TBXAS1: variants seen among roughly 807,000 people sequenced by gnomAD.
TBXAS1 encodes thromboxane A synthase 1.
TBXAS1 carries 48 observed loss-of-function variants against 60.7 expected under a neutral mutation model. The ratio of observed to expected loss-of-function variants is 0.79; its 90% CI spans 0.63 to 1.01. TBXAS1 has a LOEUF of 1.01. Ranked by LOEUF, TBXAS1 falls within the 50% of genes least tolerant of loss-of-function variation. The pLI is 0.00. For missense variants in TBXAS1, 685 were observed against 686.3 expected (o/e 1.00, Z 0.02); for synonymous variants, 287 against 269.7 (o/e 1.06, Z -0.63).
intron 1 of TBXAS1, among the ~76,000 whole-genome samples, chr7:139,848,933 C>A (rs1430281959): frequency 6.6e-6 from 1 of 152,040 alleles, no homozygotes; most frequent in Non-Finnish European, 1.5e-5. Flanking sequence ...GGATTCTGAT[C>A]TTTGGCAAAA....
At chr7:139,845,682 G>C (rs1799749539) in intron 1 of TBXAS1, among the ~76,000 whole-genome samples, 1 of 152,070 alleles carries the variant, frequency 6.6e-6, no homozygotes, top group Non-Finnish European at 1.5e-5. Flanking sequence ...TGATCTATAG[G>C]ATTTTGTGTG....
chr7:139,957,496 C>A, intron 7 of TBXAS1, 138 bp from the exon 8 acceptor site: 1 of 1,079,660 alleles, frequency 9.3e-7, no homozygotes, highest in Non-Finnish European at 1.4e-6. Flanking sequence ...CTCTCAGAAG[C>A]AGCAGTGCGG....
intron 10 of TBXAS1, among the ~76,000 whole-genome samples, chr7:140,012,199 T>C (rs1442033117): frequency 2.0e-5 from 3 of 152,132 alleles, no homozygotes; most frequent in Non-Finnish European, 2.9e-5. Flanking sequence ...TTACCTGGGA[T>C]AGGAAATGGC....
intron 9 of TBXAS1, among the ~76,000 whole-genome samples, chr7:139,971,984 A>G (rs1234328630): frequency 6.6e-6 from 1 of 152,086 alleles, no homozygotes; most frequent in African/African-American, 2.4e-5. Flanking sequence ...GAAGCCTGTA[A>G]GTGCACACAG....
intron 1 of TBXAS1, among the ~76,000 whole-genome samples, chr7:139,841,695 T>C (rs931900085): frequency 3.1e-4 from 47 of 152,218 alleles, no homozygotes; most frequent in Non-Finnish European, 7.3e-5. Context: ...CCTCACTTTA[T>C]TGATTTTCCA....
intron 9 of TBXAS1, among the ~76,000 whole-genome samples, chr7:139,996,974 A>G (rs1425956031): frequency 6.6e-6 from 1 of 151,680 alleles, no homozygotes; most frequent in African/African-American, 2.4e-5. Flanking sequence ...CTATTTCCCA[A>G]CTCTTTCTAC....
chr7:139,977,023 C>G (rs1811612798), intron 9 of TBXAS1, among the ~76,000 whole-genome samples: 1 of 152,078 alleles, frequency 6.6e-6, no homozygotes, highest in African/African-American at 2.4e-5. Flanking sequence ...CAAACAAAAC[C>G]CAAATCCCTG....
At chr7:139,899,228 A>G (rs546082134) in intron 3 of TBXAS1, among the ~76,000 whole-genome samples, 1 of 152,268 alleles carries the variant, frequency 6.6e-6, no homozygotes, top group East Asian at 1.9e-4. Context: ...AGAGCTCCCC[A>G]TACTATTTTA....
rs759577888 is a variant in TBXAS1, at chr7:139,852,849, C to T, written c.90-19386C>T. Among the ~76,000 whole-genome samples the T allele has an allele frequency of 3.3e-5, 5 of 151,824 alleles. No homozygotes were observed. Among genetic ancestry groups the T allele is most frequent in the Non-Finnish European group, 5.9e-5 (4 of 67,988 alleles). On this transcript the variant is annotated intron_variant, in intron 1 of 12. Transcript: ENST00000448866. This position sits in a 1 kb window ranked among gnomAD's most constrained non-coding sequence, Gnocchi z 4.4. ...GGCAAACATTTTTTAAATGCCTACTCGGCTGGGTACAAAAGAACCTAGAAT... is the reference window on the plus strand; with the variant it reads ...GGCAAACATTTTTTAAATGCCTACTTGGCTGGGTACAAAAGAACCTAGAAT...
At chr7:139,812,874 T>C (rs940031308) in intron 4 of TBXAS1, among the ~76,000 whole-genome samples, 3 of 151,968 alleles carry the variant, frequency 2.0e-5, no homozygotes, top group Non-Finnish European at 4.4e-5. Context: ...CTGGCCATCA[T>C]GGCAAAACCC....
chr7:139,998,647 G>A (rs1200404367), intron 9 of TBXAS1, among the ~76,000 whole-genome samples: 1 of 152,170 alleles, frequency 6.6e-6, no homozygotes, highest in Non-Finnish European at 1.5e-5. Flanking sequence ...ATCCATTGGT[G>A]AGCAATAAAG....
intron 4 of TBXAS1, among the ~76,000 whole-genome samples, chr7:139,805,933 CTTTTTTTTTT>C (rs35769530): frequency 9.5e-6 from 1 of 104,774 alleles, no homozygotes; most frequent in Non-Finnish European, 1.8e-5. Context: ...CAAATTTTTG[CTTTTTTTTTT>C]TTTTTTTTTG....
At chr7:139,780,571 G>A (rs1201936826) in intron 1 of TBXAS1, among the ~76,000 whole-genome samples, 1 of 152,182 alleles carries the variant, frequency 6.6e-6, no homozygotes, top group African/African-American at 2.4e-5. Context: ...CTACAAACTC[G>A]ATAAAAGGCA....
chr7:139,913,015 T>A (rs41308870), intron 4 of TBXAS1: 7,025 of 677,346 alleles, frequency 0.01, 54 homozygotes, highest in Non-Finnish European at 0.014. Context: ...GATGTCAAGG[T>A]TGAGTGGAGT....
intron 1 of TBXAS1, among the ~76,000 whole-genome samples, chr7:139,832,479 A>C (rs947464684): frequency 1.3e-5 from 2 of 152,262 alleles, no homozygotes; most frequent in Non-Finnish European, 2.9e-5. Context: ...GACCAAACCT[A>C]AGAATAATTG....
chr7:139,940,881 A>G (rs1204919586), intron 5 of TBXAS1, among the ~76,000 whole-genome samples: 1 of 152,222 alleles, frequency 6.6e-6, no homozygotes, highest in Non-Finnish European at 1.5e-5. Context: ...AGGATACATG[A>G]TGAAACTAAG....
intron 5 of TBXAS1, among the ~76,000 whole-genome samples, chr7:139,948,014 G>A (rs1025128917): frequency 1.3e-5 from 2 of 152,082 alleles, no homozygotes; most frequent in Admixed American, 1.3e-4. Context: ...GCTGGCACGG[G>A]CCACCACACC....
At chr7:139,899,470 CA>C (rs905869747) in intron 3 of TBXAS1, among the ~76,000 whole-genome samples, 2 of 152,002 alleles carry the variant, frequency 1.3e-5, no homozygotes, top group Admixed American at 6.6e-5. Flanking sequence ...TGGTCAGTTT[CA>C]AAAAAGAGAG....
chr7:139,982,144 T>C lies in TBXAS1; in HGVS notation c.1134+19911T>C, dbSNP rs551764386. Among the ~76,000 whole-genome samples, 10 of 152,380 alleles carry C rather than the reference T, an allele frequency of 6.6e-5. 1 individual carries two copies. The South Asian group carries it at 2.1e-3, about 32-fold the overall frequency. On this transcript the variant is annotated intron_variant, in intron 9 of 12. Coordinates refer to ENST00000448866, the MANE Select transcript of TBXAS1 (RefSeq NM_001061.7). ...CTCAGATAAACTGTAAATAATTTTT[T>C]AGTGTATCTCATGCAATATTTGGGA...
Sources: allele counts gnomAD v4.1 joint callset (sites outside exome capture counted in the v4.1 genomes callset), GRCh38; gene constraint gnomAD v4.1.1; non-coding constraint Gnocchi (gnomAD v3.1); transcripts MANE v1.5; gene names NCBI Gene and HGNC (gene_info 2026-07-23, HGNC 2026-07-21).